The following EYS variants were observed in gnomAD, a reference collection of about 807,000 sequenced individuals.
EYS encodes EGF-like photoreceptor maintenance factor, also known as protein eyes shut homolog.
In EYS, 250 loss-of-function variants were observed where a neutral mutation model predicts 282.1. The ratio of observed to expected loss-of-function variants is 0.89; its 90% CI spans 0.80 to 0.98. The LOEUF (loss-of-function observed/expected upper bound fraction) is 0.98, where lower values mean the gene tolerates loss of function less well. EYS is among the 50% of genes least tolerant of loss of function. The pLI is 0.00. For missense variants in EYS, 4,016 were observed against 3,709.0 expected (o/e 1.08, Z -2.15); for synonymous variants, 1,355 against 1,282.9 (o/e 1.06, Z -1.20).
intron 5 of EYS, among the ~76,000 whole-genome samples, chr6:65,465,518 G>C (rs1406061363): frequency 2.0e-5 from 3 of 151,714 alleles, no homozygotes; most frequent in Non-Finnish European, 2.9e-5. Flanking sequence ...AAACAAAAAA[G>C]ACAGATAATA....
intron 31 of EYS, among the ~76,000 whole-genome samples, chr6:64,226,101 G>A (rs2150335767): frequency 6.6e-6 from 1 of 152,156 alleles, no homozygotes; most frequent in Admixed American, 6.6e-5. Flanking sequence ...CTTTACTAAT[G>A]CTCTGTTTCC....
At chr6:65,237,758 C>T (rs1474336095) in intron 12 of EYS, among the ~76,000 whole-genome samples, 1 of 152,038 alleles carries the variant, frequency 6.6e-6, no homozygotes, top group African/African-American at 2.4e-5. Flanking sequence ...GGACCCATTG[C>T]TAACATTGAA....
At chr6:64,846,525 T>C (rs1015945152) in intron 19 of EYS, among the ~76,000 whole-genome samples, 4 of 152,072 alleles carry the variant, frequency 2.6e-5, no homozygotes, top group Admixed American at 1.3e-4. Flanking sequence ...AGAAAAAATT[T>C]AGTTTTATTG....
chr6:64,592,403 T>G (rs1766440954), intron 25 of EYS, among the ~76,000 whole-genome samples: 1 of 152,176 alleles, frequency 6.6e-6, no homozygotes, highest in Non-Finnish European at 1.5e-5. Context: ...CTGTTTATAT[T>G]AGATAACACC....
At chr6:64,023,923 C>T (rs189455245) in intron 33 of EYS, among the ~76,000 whole-genome samples, 187 of 152,332 alleles carry the variant, frequency 1.2e-3, no homozygotes, top group African/African-American at 3.4e-3. Flanking sequence ...AGCACCTGGG[C>T]CAGCAGCTGC....
chr6:65,357,320 T>A (rs1265680938), intron 8 of EYS, among the ~76,000 whole-genome samples: 51 of 151,986 alleles, frequency 3.4e-4, no homozygotes, highest in Admixed American at 3.4e-3. Flanking sequence ...AAGTGTTTTT[T>A]GGCTTGCTAT....
At chr6:65,318,517 TC>T (rs958627619) in intron 11 of EYS, among the ~76,000 whole-genome samples, 1 of 146,600 alleles carries the variant, frequency 6.8e-6, no homozygotes, top group Admixed American at 6.9e-5. Context: ...TCACCACTGA[TC>T]CTGGTTATAT....
At chr6:64,328,300 G>A (rs991520030) in intron 29 of EYS, among the ~76,000 whole-genome samples, 8 of 152,170 alleles carry the variant, frequency 5.3e-5, no homozygotes, top group Non-Finnish European at 1.0e-4. Flanking sequence ...GCAGGTACAG[G>A]ATATATCAGG....
Position 65,526,868 on chromosome 6 carries a change from G to A in EYS, c.-332-30875C>T, listed in dbSNP as rs144854446. Among the ~76,000 whole-genome samples the A allele has an allele frequency of 2.4e-4, 36 of 152,232 alleles. No homozygotes were observed. In the East Asian group the frequency reaches 6.4e-3, roughly 27 times the overall value. On this transcript the variant is annotated intron_variant, in intron 2 of 42. Transcript: ENST00000503581. ...TGAGTGGAATCGAAATAACGAGAGG[G>A]CACTGCATAAAGTCCAGGTGGCAGT...
intron 22 of EYS, among the ~76,000 whole-genome samples, chr6:64,740,197 T>C (rs1772325077): frequency 6.6e-6 from 1 of 152,114 alleles, no homozygotes; most frequent in Non-Finnish European, 1.5e-5. Context: ...TCACAATAAA[T>C]TTACATAAAA....
At chr6:63,995,917 T>C (rs1261448865) in intron 34 of EYS, among the ~76,000 whole-genome samples, 1 of 151,970 alleles carries the variant, frequency 6.6e-6, no homozygotes, top group East Asian at 1.9e-4. Context: ...AATAATAACA[T>C]ATTTAAAAAC....
chr6:65,527,338 C>T (rs57308309), intron 2 of EYS, among the ~76,000 whole-genome samples: 2 of 152,050 alleles, frequency 1.3e-5, no homozygotes, highest in South Asian at 2.1e-4. Flanking sequence ...GTATGACTCA[C>T]GTATGGGTTG....
intron 31 of EYS, among the ~76,000 whole-genome samples, chr6:64,085,360 A>ACACACACG (rs1772122106): frequency 6.6e-6 from 1 of 151,450 alleles, no homozygotes; most frequent in Non-Finnish European, 1.5e-5. Context: ...ACACACACAC[A>ACACACACG]CACACAGTGC....
At chr6:64,556,404 G>A (rs1765233823) in intron 26 of EYS, among the ~76,000 whole-genome samples, 1 of 151,966 alleles carries the variant, frequency 6.6e-6, no homozygotes, top group Admixed American at 6.6e-5. Flanking sequence ...ATCGTCCCAT[G>A]TACATGATAT....
At chr6:64,190,455 TC>T (rs1245928483) in intron 31 of EYS, among the ~76,000 whole-genome samples, 1 of 152,136 alleles carries the variant, frequency 6.6e-6, no homozygotes, top group Non-Finnish European at 1.5e-5. Flanking sequence ...CTGTGAAGTG[TC>T]AGAGCATGCA....
At chr6:63,745,954 C>G (rs116527532) in intron 41 of EYS, among the ~76,000 whole-genome samples, 1,838 of 152,194 alleles carry the variant, frequency 0.012, 30 homozygotes, top group African/African-American at 0.043. Flanking sequence ...ACAGGTAGAG[C>G]CAGCTGTCTA....
At chr6:65,232,370 TC>T (rs1371350312) in intron 12 of EYS, among the ~76,000 whole-genome samples, 2 of 152,118 alleles carry the variant, frequency 1.3e-5, no homozygotes, top group Non-Finnish European at 2.9e-5. Flanking sequence ...ACCACTGTGA[TC>T]TACTGTATTA....
chr6:65,279,493 C>T (rs1449583317), intron 12 of EYS, among the ~76,000 whole-genome samples: 2 of 152,126 alleles, frequency 1.3e-5, no homozygotes, highest in Non-Finnish European at 2.9e-5. Context: ...TTTCAGTCTT[C>T]TCCAGTAAAA....
chr6:64,121,508 A>G (rs1306308899), intron 31 of EYS, among the ~76,000 whole-genome samples: 2 of 152,212 alleles, frequency 1.3e-5, no homozygotes, highest in African/African-American at 4.8e-5. Context: ...CATAACCGTT[A>G]TGTTTAACAT....
Sources: allele counts gnomAD v4.1 joint callset (sites outside exome capture counted in the v4.1 genomes callset), GRCh38; gene constraint gnomAD v4.1.1; transcripts MANE v1.5; gene names NCBI Gene and HGNC (gene_info 2026-07-23, HGNC 2026-07-21).